Variants in MYO10 observed in about 807,000 individuals in gnomAD.
MYO10 encodes the protein unconventional myosin-X.
A neutral mutation model predicts 257.3 loss-of-function variants in MYO10; 133 were observed. The observed-to-expected ratio is 0.52, with a 90% CI of 0.45 to 0.60. The LOEUF is 0.60. Among genes scored for constraint, MYO10 ranks in the 20% least tolerant of loss-of-function variants. The pLI, the probability that MYO10 is intolerant of heterozygous loss-of-function variation, is 0.00. For missense variants in MYO10, 2,399 were observed against 2,635.7 expected, an observed-to-expected ratio of 0.91 and a Z score of 1.97; for synonymous variants, 1,104 against 1,028.6, an observed-to-expected ratio of 1.07 and a Z score of -1.40.
intron 9 of MYO10, 123 bp downstream of exon 9, chr5:16,779,422 C>T: frequency 1.0e-5 from 6 of 588,914 alleles, no homozygotes; most frequent in Non-Finnish European, 1.5e-5. Context: ...TTCTCACCCA[C>T]TGGTCCAAAT....
intron 2 of MYO10, chr5:16,853,896 T>A (rs1176423236): frequency 6.6e-6 from 1 of 152,164 alleles, no homozygotes; most frequent in Non-Finnish European, 1.5e-5. Context: ...GCCCGTTTTC[T>A]AAGCCTTCCT....
At chr5:16,745,165 C>A (rs1175538068) in intron 19 of MYO10, among the ~76,000 whole-genome samples, 1 of 152,014 alleles carries the variant, frequency 6.6e-6, no homozygotes, top group Admixed American at 6.6e-5. Context: ...CATGGTGAAA[C>A]CCCGTCTCTA....
Position 16,717,583 on chromosome 5 carries a change from G to C in MYO10, c.1930-6338C>G, listed in dbSNP as rs796079231. Among the ~76,000 whole-genome samples, 5 of 152,326 alleles carry C rather than the reference G, an allele frequency of 3.3e-5. No individual in the cohort carries two copies. The East Asian group carries it at 9.6e-4, about 29-fold the overall frequency. ...AAACATCTGCATATGGAAGCAACTA[G>C]AGAATAAAGAAGAGCTTTTAGAAAA... On this transcript the variant is annotated intron_variant, in intron 19 of 40. Coordinates refer to ENST00000513610, the MANE Select transcript of MYO10 (RefSeq NM_012334.3).
chr5:16,934,953 T>A (rs895074119), intron 1 of MYO10, among the ~76,000 whole-genome samples: 4 of 152,204 alleles, frequency 2.6e-5, no homozygotes, highest in African/African-American at 9.6e-5. Context: ...TAAGTTTACT[T>A]TGAGCCACTT....
intron 1 of MYO10, among the ~76,000 whole-genome samples, chr5:16,892,783 C>T (rs1254807228): frequency 6.6e-6 from 1 of 152,200 alleles, no homozygotes; most frequent in Non-Finnish European, 1.5e-5. Flanking sequence ...TTTAACTCTC[C>T]TCTCAAGGCC....
At chr5:16,882,345 T>C (rs757055765) in intron 1 of MYO10, among the ~76,000 whole-genome samples, 4 of 152,170 alleles carry the variant, frequency 2.6e-5, no homozygotes, top group Non-Finnish European at 4.4e-5. Context: ...CTTTGGAAAA[T>C]GGTTTGGCAA....
chr5:16,750,632 C>T (rs1294283129), intron 19 of MYO10, among the ~76,000 whole-genome samples: 1 of 152,156 alleles, frequency 6.6e-6, no homozygotes, highest in African/African-American at 2.4e-5. Flanking sequence ...TGTTCCAATG[C>T]TACAGGTCTC....
chr5:16,870,824 G>A (rs545463374), intron 2 of MYO10, among the ~76,000 whole-genome samples: 43 of 152,054 alleles, frequency 2.8e-4, no homozygotes, highest in Non-Finnish European at 4.7e-4. Context: ...CCCAGGAGGC[G>A]GAGGCTGCAG....
chr5:16,863,290 C>T lies in MYO10; in HGVS notation c.120+14319G>A, dbSNP rs891647443. Among the ~76,000 whole-genome samples, 3 of 152,210 alleles carry T rather than the reference C, an allele frequency of 2.0e-5. No homozygotes were observed. The South Asian group carries it at 6.2e-4, about 32-fold the overall frequency. ...GATCCCCTCCCCACCCATCCACCCACCCACTGGGGAGAAGCCCAGCTGTTC... is the reference window on the plus strand; with the variant it reads ...GATCCCCTCCCCACCCATCCACCCATCCACTGGGGAGAAGCCCAGCTGTTC... On this transcript the variant is annotated intron_variant, in intron 2 of 40. Coordinates refer to ENST00000513610, the MANE Select transcript of MYO10 (RefSeq NM_012334.3).
At position 16,676,114 on chromosome 5, in the gene MYO10, T is replaced by C; in HGVS notation, c.4583A>G (p.Lys1528Arg). 16 of 1,613,432 alleles carry C rather than the reference T, an allele frequency of 9.9e-6. No homozygotes were observed. Among genetic ancestry groups the C allele is most frequent in the Non-Finnish European group, 1.4e-5 (16 of 1,179,728 alleles). The change falls in exon 34 of 41, where the codon AAG (lysine) becomes AGG (arginine). Residue 1528 changes from lysine to arginine, a missense_variant. Lys to Arg is a conservative substitution (Grantham distance 26, BLOSUM62 2). Coordinates refer to ENST00000513610, the MANE Select transcript of MYO10 (RefSeq NM_012334.3). ...GGTGTATCGAAGGATCGGGTTCCGC[T>C]TGTAAATCTGTTCCACCACATCCGA... Reference protein sequence around the residue: ...LNSDVVEQIYKRNPILRYTHH... With the variant: ...LNSDVVEQIYRRNPILRYTHH...
Position 16,701,660 on chromosome 5 carries a change from G to T in MYO10, c.2735C>A (p.Thr912Asn), listed in dbSNP as rs1738084967. ...RMKEQQELSL[T>N]EASLQKLQER... ...CTGCAGCTTCTGCAGGGAAGCCTCG[G>T]TCAGCGACAGCTCCTGCTGCTCCTT... Residue 912 changes from threonine to asparagine, a missense_variant, in exon 25 of 41, where the codon ACC becomes AAC. Thr to Asn is a moderately conservative substitution (Grantham distance 65). This residue lies in a region of MYO10 where 1,820 missense variants were observed against 1,939.4 expected (regional missense o/e 0.94). Coordinates refer to ENST00000513610, the MANE Select transcript of MYO10 (RefSeq NM_012334.3). This position sits in a 1 kb window ranked among gnomAD's most constrained non-coding sequence, Gnocchi z 8.1. The T allele has an allele frequency of 6.2e-7, 1 of 1,613,686 alleles. No homozygotes were observed. The highest frequency in any genetic ancestry group is 8.5e-7 in the Non-Finnish European group (1 of 1,179,814).
At chr5:16,923,689 C>T (rs1312414232) in intron 1 of MYO10, among the ~76,000 whole-genome samples, 1 of 151,440 alleles carries the variant, frequency 6.6e-6, no homozygotes, top group Non-Finnish European at 1.5e-5. Context: ...CACACACACA[C>T]ACACACTCCC....
intron 10 of MYO10, among the ~76,000 whole-genome samples, chr5:16,768,664 CT>C (rs34950225): frequency 0.17 from 11,533 of 69,804 alleles, 155 homozygotes; most frequent in Middle Eastern, 0.24. Flanking sequence ...TTTCTCTTTT[CT>C]TTTTTTTTTT....
At chr5:16,824,908 A>C (rs892737412) in intron 2 of MYO10, among the ~76,000 whole-genome samples, 2 of 152,124 alleles carry the variant, frequency 1.3e-5, no homozygotes, top group African/African-American at 4.8e-5. Flanking sequence ...TTTCAAAAAC[A>C]ATCGAAGAAA....
chr5:16,890,637 C>G (rs571272779), intron 1 of MYO10, among the ~76,000 whole-genome samples: 6 of 150,802 alleles, frequency 4.0e-5, no homozygotes, highest in African/African-American at 1.2e-4. Context: ...GTCAGGAGTT[C>G]GAGACCAGCC....
intron 1 of MYO10, among the ~76,000 whole-genome samples, chr5:16,905,187 A>C (rs1745486928): frequency 1.3e-5 from 2 of 152,178 alleles, no homozygotes; most frequent in African/African-American, 4.8e-5. Context: ...ACTGTAAGCT[A>C]CCCAGCACAC....
intron 3 of MYO10, among the ~76,000 whole-genome samples, chr5:16,804,221 C>G (rs1341948397): frequency 6.6e-6 from 1 of 152,166 alleles, no homozygotes; most frequent in Non-Finnish European, 1.5e-5. Flanking sequence ...TTCATTAACT[C>G]CAGGGCGACC....
rs980336595 is a variant in MYO10 at position 16,917,463 on chromosome 5, T to C, written c.21+18325A>G. Among the ~76,000 whole-genome samples, 3 of 152,216 alleles carry C rather than the reference T, an allele frequency of 2.0e-5. No individual in the cohort carries two copies. The East Asian group carries it at 5.8e-4, about 29-fold the overall frequency. ...TACCCACTAGACACCAGTAGTCACC[T>C]CCCATCAGTGTTAACAACCAGAAAT... is the stretch of plus-strand genomic sequence containing the variant. On this transcript the variant is annotated intron_variant, in intron 1 of 40. Coordinates refer to ENST00000513610, the MANE Select transcript of MYO10 (RefSeq NM_012334.3).
chr5:16,893,214 A>T (rs1388359604), intron 1 of MYO10, among the ~76,000 whole-genome samples: 1 of 149,996 alleles, frequency 6.7e-6, no homozygotes, highest in African/African-American at 2.5e-5. Flanking sequence ...AAAAAAAAAA[A>T]AGAACTTACA....
Sources: allele counts gnomAD v4.1 joint callset (sites outside exome capture counted in the v4.1 genomes callset), GRCh38; gene constraint gnomAD v4.1.1; regional missense constraint gnomAD v4.1.1; non-coding constraint Gnocchi (gnomAD v3.1); transcripts MANE v1.5; gene names NCBI Gene and HGNC (gene_info 2026-07-23, HGNC 2026-07-21).